The following GLRA1 variants were observed in gnomAD, a reference collection of about 807,000 sequenced individuals.
The protein encoded by GLRA1 is glycine receptor alpha 1.
In GLRA1, 37 loss-of-function variants were observed where a neutral mutation model predicts 48.3. The ratio of observed to expected loss-of-function variants is 0.77; its 90% CI spans 0.59 to 1.01. GLRA1 has a LOEUF of 1.01. Ranked by LOEUF, GLRA1 falls within the 50% of genes least tolerant of loss-of-function variation. The pLI, the probability that GLRA1 is intolerant of heterozygous loss-of-function variation, is 0.00. For synonymous variants in GLRA1, 196 were observed against 210.7 expected, an observed-to-expected ratio of 0.93 and a Z score of 0.60; for missense variants, 427 against 571.0, an observed-to-expected ratio of 0.75 and a Z score of 2.57.
chr5:151,855,351 A>G (rs974512260), intron 5 of GLRA1, among the ~76,000 whole-genome samples, 174 bp from the exon 6 acceptor site: 7 of 152,102 alleles, frequency 4.6e-5, no homozygotes, highest in East Asian at 1.9e-4. Flanking sequence ...AATTATTTAT[A>G]TCTACATCAG....
chr5:151,841,319 C>T (rs1191663466), intron 7 of GLRA1, among the ~76,000 whole-genome samples: 1 of 152,010 alleles, frequency 6.6e-6, no homozygotes, highest in Non-Finnish European at 1.5e-5. Flanking sequence ...ACACAACATA[C>T]TACAACTAAT....
At chr5:151,841,277 T>TTA (rs1345317331) in intron 7 of GLRA1, among the ~76,000 whole-genome samples, 2 of 151,970 alleles carry the variant, frequency 1.3e-5, no homozygotes, top group African/African-American at 2.4e-5. Flanking sequence ...AAATAAAAGA[T>TTA]ATATTAAGGA....
chr5:151,837,597 G>A (rs949777108), intron 7 of GLRA1, among the ~76,000 whole-genome samples: 3 of 152,172 alleles, frequency 2.0e-5, no homozygotes, highest in East Asian at 1.9e-4. Context: ...TAAAGAAAAT[G>A]TGTCACATAT....
intron 8 of GLRA1, among the ~76,000 whole-genome samples, chr5:151,823,395 G>A (rs534444131): frequency 6.6e-6 from 1 of 152,312 alleles, no homozygotes; most frequent in South Asian, 2.1e-4. Context: ...AGGTTGTACT[G>A]GGTTTTAGTT....
chr5:151,903,729 G>T (rs1754415395), intron 1 of GLRA1, among the ~76,000 whole-genome samples: 2 of 152,136 alleles, frequency 1.3e-5, no homozygotes, highest in South Asian at 2.1e-4. Context: ...AATAGCAAAG[G>T]CTACTACCAA....
At chr5:151,829,097 G>A (rs1370142549) in intron 7 of GLRA1, 30 bp from the exon 8 acceptor site, 1 of 1,609,656 alleles carries the variant, frequency 6.2e-7, no homozygotes, top group Admixed American at 1.7e-5. Flanking sequence ...GAAACAGGGA[G>A]GTGAAAGCAG....
intron 1 of GLRA1, among the ~76,000 whole-genome samples, chr5:151,901,403 CCAG>C (rs976440017): frequency 6.6e-6 from 1 of 152,090 alleles, no homozygotes; most frequent in Non-Finnish European, 1.5e-5. Context: ...TGTGAAGAAT[CCAG>C]GGGGATTCTT....
In GLRA1 at chr5:151,863,820, A is replaced by G. The variant is rs180787259; in HGVS notation, c.253-3812T>C. Among the ~76,000 whole-genome samples, 10 of 152,296 alleles carry G rather than the reference A, an allele frequency of 6.6e-5. No homozygotes were observed. The East Asian group carries it at 1.9e-3, about 29-fold the overall frequency. On this transcript the variant is annotated intron_variant, in intron 3 of 8. Transcript: ENST00000274576. ...CCACTCTCACCCTCACCCCTGCTCA[A>G]TTCCTCCTACAGCTCATGCCTCAGT...
intron 1 of GLRA1, among the ~76,000 whole-genome samples, chr5:151,900,252 C>A (rs1018598495): frequency 2.0e-5 from 3 of 152,122 alleles, no homozygotes; most frequent in Non-Finnish European, 4.4e-5. Context: ...AGAGTGAGCA[C>A]CTCATTAAAT....
At chr5:151,860,220 G>T (rs1402058826) in intron 3 of GLRA1, among the ~76,000 whole-genome samples, 1 of 152,004 alleles carries the variant, frequency 6.6e-6, no homozygotes, top group Non-Finnish European at 1.5e-5. Flanking sequence ...TGCCCCATGA[G>T]GTATATTCAA....
chr5:151,856,563 G>T (rs570644875), intron 4 of GLRA1, among the ~76,000 whole-genome samples, 180 bp from the exon 5 acceptor site: 1 of 152,152 alleles, frequency 6.6e-6, no homozygotes, highest in African/African-American at 2.4e-5. Context: ...TTGTGGCCCA[G>T]GCTGGAGCGC....
In GLRA1 at chr5:151,835,734, A is replaced by G. The variant is rs185961920; in HGVS notation, c.913-6667T>C. On this transcript the variant is annotated intron_variant, in intron 7 of 8. Transcript: ENST00000274576. ...CCCATGATTATCTCAATAGATGCAG[A>G]AAAGGCCTTTGATAAAATTCCACAC... 1.5e-3 allele frequency among the ~76,000 whole-genome samples: 232 copies of G among 152,368 alleles called. 2 individuals are homozygous for G. The highest frequency in any genetic ancestry group is 3.2e-3 in the Admixed American group (49 of 15,308).
intron 2 of GLRA1, among the ~76,000 whole-genome samples, chr5:151,891,813 G>T (rs987721747): frequency 6.6e-6 from 1 of 152,144 alleles, no homozygotes; most frequent in Non-Finnish European, 1.5e-5. Context: ...GAGGAGCAGG[G>T]TGGGCTTGCT....
rs553640803 is a variant in GLRA1, at chr5:151,923,020, C to T, written c.56+1474G>A. Among the ~76,000 whole-genome samples, 7 of 152,308 alleles carry T rather than the reference C, an allele frequency of 4.6e-5. 1 individual carries two copies. The East Asian group carries it at 1.4e-3, about 29-fold the overall frequency. ...ATAAATAGAATACTTCCTGCCCTTT[C>T]CCCCATAAAGTAGCCACATTTTGAT... On this transcript the variant is annotated intron_variant, in intron 1 of 8. Coordinates refer to ENST00000274576, the MANE Select transcript of GLRA1 (RefSeq NM_000171.4).
At chr5:151,850,530 A>G (rs6896141) in intron 7 of GLRA1, 434,026 of 1,050,926 alleles carry the variant, frequency 0.41, 91,863 homozygotes, top group African/African-American at 0.55. Context: ...TACCACATCC[A>G]CGCTTATGAT....
chr5:151,846,495 T>G (rs760662205), intron 7 of GLRA1, among the ~76,000 whole-genome samples: 1 of 152,216 alleles, frequency 6.6e-6, no homozygotes, highest in Non-Finnish European at 1.5e-5. Flanking sequence ...TTCAAGCATT[T>G]GTAGTGAATG....
intron 1 of GLRA1, among the ~76,000 whole-genome samples, chr5:151,908,450 C>T (rs551929206): frequency 8.6e-5 from 13 of 152,038 alleles, no homozygotes; most frequent in African/African-American, 2.4e-4. Context: ...TCATTTGTTT[C>T]TGAATCCTAG....
intron 1 of GLRA1, among the ~76,000 whole-genome samples, chr5:151,898,466 G>T (rs886106871): frequency 4.4e-4 from 67 of 152,324 alleles, no homozygotes; most frequent in African/African-American, 1.6e-3. Context: ...AGCTAGGGTT[G>T]CAGTAAGACT....
chr5:151,922,447 T>C (rs912705566), intron 1 of GLRA1, among the ~76,000 whole-genome samples: 3 of 152,244 alleles, frequency 2.0e-5, no homozygotes, highest in Non-Finnish European at 2.9e-5. Context: ...ATTGTCTGTA[T>C]TGTGTTTCAA....
Sources: gnomAD v4.1 joint callset for allele counts (sites outside exome capture counted in the v4.1 genomes callset) on GRCh38, gnomAD v4.1.1 for gene constraint, MANE v1.5 for transcripts, NCBI Gene and HGNC (gene_info 2026-07-23, HGNC 2026-07-21) for gene names.